ZDHHC14: variants seen among roughly 807,000 people sequenced by gnomAD.
ZDHHC14 encodes zDHHC palmitoyltransferase 14.
In ZDHHC14, 16 loss-of-function variants were observed where a neutral mutation model predicts 47.7. The observed-to-expected ratio is 0.34, with a 90% confidence interval of 0.23 to 0.51. The LOEUF is 0.51. Ranked by LOEUF, ZDHHC14 falls within the 20% of genes least tolerant of loss-of-function variation. ZDHHC14 has a pLI of 0.97. For synonymous variants in ZDHHC14, 293 were observed against 278.9 expected (o/e 1.05, Z -0.50); for missense variants, 515 against 662.5 (o/e 0.78, Z 2.44).
intron 1 of ZDHHC14, among the ~76,000 whole-genome samples, chr6:157,407,195 G>A (rs1444790649): frequency 3.3e-5 from 5 of 152,184 alleles, no homozygotes; most frequent in Non-Finnish European, 7.3e-5. Context: ...GCAGAACTGA[G>A]ATACGGACTT....
chr6:157,501,082 A>C (rs1780182860), intron 1 of ZDHHC14, among the ~76,000 whole-genome samples: 1 of 152,222 alleles, frequency 6.6e-6, no homozygotes, highest in Non-Finnish European at 1.5e-5. Context: ...AATGGTGAAA[A>C]AGAGGCAAAT....
In ZDHHC14 at chr6:157,537,731, C is replaced by T. The variant is rs1381650474; in HGVS notation, c.246-4854C>T. ...CCAGGCCCTTGGGGATGGAGTCTTC[C>T]TCAACACAGATGGCACTCAGCATTG... On this transcript the variant is annotated intron_variant, in intron 1 of 8. Transcript: ENST00000359775. Among the ~76,000 whole-genome samples, 4 of 152,176 alleles carry T rather than the reference C, an allele frequency of 2.6e-5. No individual in the cohort carries two copies. The East Asian group carries it at 7.7e-4, about 29-fold the overall frequency.
intron 2 of ZDHHC14, among the ~76,000 whole-genome samples, chr6:157,548,122 C>T (rs9456464): frequency 0.044 from 6,681 of 151,776 alleles, 511 homozygotes; most frequent in African/African-American, 0.15. Flanking sequence ...AAAAATCTGG[C>T]AGGGTCAACA....
chr6:157,401,387 C>G (rs796766285), intron 1 of ZDHHC14, among the ~76,000 whole-genome samples: 4 of 152,330 alleles, frequency 2.6e-5, no homozygotes, highest in African/African-American at 9.6e-5. Context: ...TTCTTTATTT[C>G]TGATCATACA....
chr6:157,494,822 C>G (rs530157691), intron 1 of ZDHHC14, among the ~76,000 whole-genome samples: 2 of 152,090 alleles, frequency 1.3e-5, no homozygotes, highest in Admixed American at 6.5e-5. Flanking sequence ...ATTCCAAATC[C>G]GTTTCATATC....
intron 1 of ZDHHC14, among the ~76,000 whole-genome samples, chr6:157,451,630 A>G (rs1284976901): frequency 6.6e-6 from 1 of 152,190 alleles, no homozygotes; most frequent in East Asian, 1.9e-4. Context: ...GCGCAATATC[A>G]GCTCACTGCA....
rs755633554 is a variant in ZDHHC14, at chr6:157,653,641, C to A, written c.1068+14C>A. On this transcript the variant is annotated intron_variant, in intron 8 of 8. Coordinates refer to ENST00000359775, the MANE Select transcript of ZDHHC14 (RefSeq NM_024630.3). ...CAGAGTGACATGGTAGGAGTGGGGGCCACTGCTCCCTGCGAGGGCTTCCCT... is the reference window on the plus strand; with the variant it reads ...CAGAGTGACATGGTAGGAGTGGGGGACACTGCTCCCTGCGAGGGCTTCCCT... 2.9e-5 allele frequency: 46 copies of A among 1,610,116 alleles called. No individual in the cohort carries two copies. The South Asian group carries it at 4.3e-4, about 15-fold the overall frequency.
At chr6:157,619,110 G>T (rs149760368) in intron 3 of ZDHHC14, among the ~76,000 whole-genome samples, 4 of 152,058 alleles carry the variant, frequency 2.6e-5, no homozygotes, top group African/African-American at 7.2e-5. Context: ...CCCAATTTTG[G>T]AAAGCAGGGT....
At chr6:157,514,147 T>G (rs1192687181) in intron 1 of ZDHHC14, among the ~76,000 whole-genome samples, 1 of 152,152 alleles carries the variant, frequency 6.6e-6, no homozygotes, top group Non-Finnish European at 1.5e-5. Context: ...GTTCAGAGAT[T>G]AAAAGAAAAA....
chr6:157,389,614 T>C (rs902040239), intron 1 of ZDHHC14, among the ~76,000 whole-genome samples: 1 of 152,202 alleles, frequency 6.6e-6, no homozygotes, highest in Non-Finnish European at 1.5e-5. Context: ...CCTTTTATCT[T>C]TAACAAAGTC....
At chr6:157,557,681 C>T (rs980275319) in intron 2 of ZDHHC14, among the ~76,000 whole-genome samples, 3 of 152,214 alleles carry the variant, frequency 2.0e-5, no homozygotes, top group African/African-American at 7.2e-5. Context: ...TCAGCTGGGT[C>T]CATTGCTATC....
At chr6:157,642,689 T>C (rs1167997703) in intron 5 of ZDHHC14, among the ~76,000 whole-genome samples, 1 of 152,174 alleles carries the variant, frequency 6.6e-6, no homozygotes, top group Admixed American at 6.5e-5. Flanking sequence ...TCCAGTAGAA[T>C]TGGGTTGTTT....
chr6:157,585,568 A>G (rs2114879942), intron 2 of ZDHHC14, among the ~76,000 whole-genome samples: 1 of 152,330 alleles, frequency 6.6e-6, no homozygotes, highest in Admixed American at 6.5e-5. Flanking sequence ...TCAGGCTAGA[A>G]CACTGAAGAA....
chr6:157,588,793 G>A (rs950749767), intron 2 of ZDHHC14, among the ~76,000 whole-genome samples: 6 of 151,996 alleles, frequency 3.9e-5, no homozygotes, highest in African/African-American at 1.2e-4. Context: ...GTATTTACTG[G>A]CACCCCACAG....
intron 2 of ZDHHC14, among the ~76,000 whole-genome samples, chr6:157,550,964 G>A (rs1163763873): frequency 6.6e-6 from 1 of 152,182 alleles, no homozygotes; most frequent in Non-Finnish European, 1.5e-5. Flanking sequence ...CATAACCAGG[G>A]TGAGGAGAAG....
chr6:157,453,844 T>C (rs1346582127), intron 1 of ZDHHC14, among the ~76,000 whole-genome samples: 2 of 149,866 alleles, frequency 1.3e-5, no homozygotes, highest in African/African-American at 2.5e-5. Context: ...CCACATGTAA[T>C]ATGTGTCTGC....
intron 1 of ZDHHC14, among the ~76,000 whole-genome samples, chr6:157,505,667 A>T (rs1173850539): frequency 6.6e-6 from 1 of 152,244 alleles, no homozygotes; most frequent in African/African-American, 2.4e-5. Flanking sequence ...ATGAGTTATT[A>T]AAACCCTGAC....
At chr6:157,672,637 C>CCCCCCAG in intron 8 of ZDHHC14, 87 bp from the exon 9 acceptor site, 1 of 313,444 alleles carries the variant, frequency 3.2e-6, no homozygotes, top group Non-Finnish European at 6.2e-6. Context: ...CCACCCTCCC[C>CCCCCCAG]GCCCGTGCCC....
At chr6:157,656,361 G>A (rs1778089892) in intron 8 of ZDHHC14, among the ~76,000 whole-genome samples, 1 of 134,226 alleles carries the variant, frequency 7.5e-6, no homozygotes, top group Non-Finnish European at 1.6e-5. Flanking sequence ...TTGAAACAGT[G>A]TCTCGCTCTG....
Sources: gnomAD v4.1 joint callset for allele counts (sites outside exome capture counted in the v4.1 genomes callset) on GRCh38, gnomAD v4.1.1 for gene constraint, MANE v1.5 for transcripts, NCBI Gene and HGNC (gene_info 2026-07-23, HGNC 2026-07-21) for gene names.